CMIP: variants seen among roughly 807,000 people sequenced by gnomAD.
CMIP encodes c-Maf inducing protein.
CMIP carries 13 observed loss-of-function variants against 97.3 expected under a neutral mutation model. The ratio of observed to expected loss-of-function variants is 0.13; its 90% CI spans 0.09 to 0.21. The LOEUF is 0.21. Among genes scored for constraint, CMIP ranks in the 10% least tolerant of loss-of-function variants. CMIP has a pLI of 1.00. For synonymous variants in CMIP, 538 were observed against 436.3 expected (o/e 1.23, Z -2.91); for missense variants, 847 against 1,024.9 (o/e 0.83, Z 2.37).
At chr16:81,467,604 G>A (rs1423262860) in intron 1 of CMIP, among the ~76,000 whole-genome samples, 1 of 141,520 alleles carries the variant, frequency 7.1e-6, no homozygotes, top group South Asian at 2.2e-4. Flanking sequence ...TTTTTGAGAT[G>A]GAGTCTCGTT....
In CMIP at chr16:81,444,852, C is replaced by CGCGCGGCG. The variant is rs1421208224; in HGVS notation, c.-383_-376dup. On this transcript the variant is annotated 5_prime_UTR_variant, in exon 1 of 21. Coordinates refer to ENST00000537098, the MANE Select transcript of CMIP (RefSeq NM_198390.3). The stretch of plus-strand genomic sequence containing the variant: ...CGCGGACACACGCTCTGTACACACG[C>CGCGCGGCG]GCGCGGCGGCGCGGGGCCCCGAGAC... Among the ~76,000 whole-genome samples, 2 of 144,174 alleles carry CGCGCGGCG rather than the reference C, an allele frequency of 1.4e-5. No homozygotes were observed. The highest frequency in any genetic ancestry group is 5.0e-5 in the African/African-American group (2 of 40,246). 94.6% of individuals were successfully genotyped at this position (144,174 alleles called of 152,430 possible).
Position 81,696,890 on chromosome 16 carries a change from A to T in CMIP, c.1638+223A>T. 3 of 582,970 alleles carry T rather than the reference A, an allele frequency of 5.1e-6. No individual in the cohort carries two copies. In the South Asian group the frequency reaches 6.1e-5, roughly 12 times the overall value. 36.1% of individuals were successfully genotyped at this position (582,970 alleles called of 1,614,324 possible). On this transcript the variant is annotated intron_variant, in intron 14 of 20. Coordinates refer to ENST00000537098, the MANE Select transcript of CMIP (RefSeq NM_198390.3). Reference sequence around the variant, plus strand: ...TCCAAGCCAAGCACTTGGCTTTCCCAGTTGCACTCAGCTCTCACAGCACAG... The same window carrying T: ...TCCAAGCCAAGCACTTGGCTTTCCCTGTTGCACTCAGCTCTCACAGCACAG...
At chr16:81,623,034 C>G (rs970460017) in intron 3 of CMIP, among the ~76,000 whole-genome samples, 6 of 152,202 alleles carry the variant, frequency 3.9e-5, no homozygotes, top group African/African-American at 1.4e-4. Context: ...AAAATGCCAT[C>G]TGTACCAAAA....
In CMIP at chr16:81,678,501, G is replaced by T; in HGVS notation, c.1261G>T (p.Gly421Cys). 6.2e-7 allele frequency: 1 copy of T among 1,600,880 alleles called. No homozygotes were observed. Among genetic ancestry groups the T allele is most frequent in the Non-Finnish European group, 8.5e-7 (1 of 1,174,598 alleles). Residue 421 changes from glycine to cysteine, a missense_variant, in exon 10 of 21, where the codon GGC becomes TGC. Physicochemically the swap from Gly to Cys is radical, Grantham distance 159 (BLOSUM62 -3). This residue lies in a region of CMIP where 202 missense variants were observed against 168.7 expected (regional missense o/e 1.20). Coordinates refer to ENST00000537098, the MANE Select transcript of CMIP (RefSeq NM_198390.3). ...CAAGCCGGCGCTGACGGCCAGCGCA[G>T]GCAACGACAGCGAGCCCAACCTCAT... ...TAKPALTASA[G>C]NDSEPNLIDC...
At chr16:81,690,444 A>C (rs1323621430) in intron 10 of CMIP, among the ~76,000 whole-genome samples, 2 of 152,218 alleles carry the variant, frequency 1.3e-5, no homozygotes, top group Non-Finnish European at 2.9e-5. Flanking sequence ...GTCTGAAAGC[A>C]AAAATAGAAG....
chr16:81,485,888 C>G (rs924404765), intron 1 of CMIP, among the ~76,000 whole-genome samples: 1 of 152,222 alleles, frequency 6.6e-6, no homozygotes, highest in South Asian at 2.1e-4. Flanking sequence ...GACCACCATA[C>G]TGTAGAGGTG....
At chr16:81,573,611 C>T (rs561492259) in intron 1 of CMIP, among the ~76,000 whole-genome samples, 2 of 152,028 alleles carry the variant, frequency 1.3e-5, no homozygotes, top group African/African-American at 2.4e-5. Flanking sequence ...TGTTGAAAAT[C>T]GCTTTGTGGG....
intron 7 of CMIP, among the ~76,000 whole-genome samples, chr16:81,667,789 AGAGAGAGAGAGT>A (rs1287118111): frequency 1.0e-3 from 109 of 109,450 alleles, no homozygotes; most frequent in South Asian, 4.2e-3. Context: ...AGAGAGAGAG[AGAGAGAGAGAGT>A]GTGTGTGTGT....
chr16:81,661,672 C>G (rs2092548448), intron 6 of CMIP, among the ~76,000 whole-genome samples: 1 of 152,152 alleles, frequency 6.6e-6, no homozygotes, highest in South Asian at 2.1e-4. Flanking sequence ...GTGGGACCAG[C>G]CTGTGGGGTG....
Position 81,616,882 on chromosome 16 carries a change from C to G in CMIP, c.427-3994C>G, listed in dbSNP as rs140021292. ...TGAGAGGCAGGCTACGAGGACCCAG[C>G]TAAGACTGGAGGCTCCTGCAGCTCA... On this transcript the variant is annotated intron_variant, in intron 2 of 20. Transcript: ENST00000537098. The surrounding 1 kb of genome is among the most constrained non-coding windows in gnomAD (Gnocchi z 4.7). Among the ~76,000 whole-genome samples, 133 of 152,344 alleles carry G rather than the reference C, an allele frequency of 8.7e-4. No homozygotes were observed. The highest frequency in any genetic ancestry group is 3.2e-3 in the African/African-American group (131 of 41,566).
chr16:81,706,971 T>TG (rs779782538), intron 19 of CMIP, 43 bp from the exon 20 acceptor site: 1 of 1,575,456 alleles, frequency 6.3e-7, no homozygotes, highest in Non-Finnish European at 8.7e-7. Context: ...TTCATACCTT[T>TG]GGGGCCTCGC....
At chr16:81,485,235 A>C (rs186736461) in intron 1 of CMIP, among the ~76,000 whole-genome samples, 178 of 152,324 alleles carry the variant, frequency 1.2e-3, no homozygotes, top group African/African-American at 4.0e-3. Context: ...AAATTTTCCT[A>C]GTATAATATG....
chr16:81,495,376 G>A, intron 1 of CMIP: 1 of 1,528,786 alleles, frequency 6.5e-7, no homozygotes. Context: ...GGGCGTGCAT[G>A]GCATAACCGT....
intron 1 of CMIP, chr16:81,476,395 C>G: frequency 1.8e-6 from 2 of 1,134,790 alleles, no homozygotes; most frequent in South Asian, 1.2e-5. Flanking sequence ...TCCTTTCTCT[C>G]CAGTGCTCAG....
intron 1 of CMIP, among the ~76,000 whole-genome samples, chr16:81,512,729 T>G (rs2089837647): frequency 6.6e-6 from 1 of 152,126 alleles, no homozygotes; most frequent in South Asian, 2.1e-4. Flanking sequence ...CACAAAATAA[T>G]TATAATTAAA....
At chr16:81,449,938 C>T (rs1284183416) in intron 1 of CMIP, among the ~76,000 whole-genome samples, 1 of 152,252 alleles carries the variant, frequency 6.6e-6, no homozygotes, top group Non-Finnish European at 1.5e-5. Context: ...AACATCATGC[C>T]AGTCCAGGTG....
rs888197055 is a variant in CMIP, at chr16:81,627,362, C to T, written c.477+6436C>T. On this transcript the variant is annotated intron_variant, in intron 3 of 20. Transcript: ENST00000537098. The surrounding 1 kb of genome is among the most constrained non-coding windows in gnomAD (Gnocchi z 4.6). ...TCTCGTCACTGGGCCGTGTGAGGAT[C>T]GAAGGCTGTGTTGTTTGTGCAGCAG... Among the ~76,000 whole-genome samples the T allele has an allele frequency of 1.3e-5, 2 of 151,968 alleles. No individual in the cohort carries two copies. Among genetic ancestry groups the T allele is most frequent in the Admixed American group, 6.5e-5 (1 of 15,270 alleles).
At chr16:81,511,401 A>T (rs985629910) in intron 1 of CMIP, among the ~76,000 whole-genome samples, 3 of 152,152 alleles carry the variant, frequency 2.0e-5, no homozygotes, top group African/African-American at 7.2e-5. Context: ...CGTGGTCTAC[A>T]CCCTGTATTT....
At chr16:81,474,861 G>T (rs1227017524) in intron 1 of CMIP, among the ~76,000 whole-genome samples, 3 of 152,256 alleles carry the variant, frequency 2.0e-5, no homozygotes, top group Non-Finnish European at 2.9e-5. Flanking sequence ...AGCCATGGGG[G>T]GCGGGCGGGG....
Sources: allele counts gnomAD v4.1 joint callset (sites outside exome capture counted in the v4.1 genomes callset), GRCh38; gene constraint gnomAD v4.1.1; regional missense constraint gnomAD v4.1.1; non-coding constraint Gnocchi (gnomAD v3.1); transcripts MANE v1.5; gene names NCBI Gene and HGNC (gene_info 2026-07-23, HGNC 2026-07-21).